Variants in FHOD1 observed in about 807,000 individuals in gnomAD.
The protein encoded by FHOD1 is FH1/FH2 domain-containing protein 1.
A neutral mutation model predicts 111.6 loss-of-function variants in FHOD1; 89 were observed. That is an observed-to-expected ratio of 0.80 (90% CI 0.67 to 0.95). FHOD1 has a LOEUF of 0.95. FHOD1 is among the 40% of genes least tolerant of loss of function. The pLI, the probability that FHOD1 is intolerant of heterozygous loss-of-function variation, is 0.00. For missense variants in FHOD1, 1,446 were observed against 1,554.2 expected (o/e 0.93, Z 1.17); for synonymous variants, 618 against 639.0 (o/e 0.97, Z 0.50).
rs2034535352 is a variant in FHOD1, at chr16:67,237,526, C to T, written c.798G>A (p.Lys266=). The change falls in exon 8 of 22, where the codon AAG becomes AAA. Residue 266 remains lysine, a synonymous_variant. Transcript: ENST00000258201. This position sits in a 1 kb window ranked among gnomAD's most constrained non-coding sequence, Gnocchi z 5.6. The part of the protein sequence containing the change: ...WANLVSILEE[K]NGADPELLVY... Reference sequence around the variant, plus strand: ...CCAACAACTCAGGGTCAGCGCCATTCTTCTCCTCCAGGATGGACACCAGAT... The same window carrying T: ...CCAACAACTCAGGGTCAGCGCCATTTTTCTCCTCCAGGATGGACACCAGAT... 6 of 1,614,178 alleles carry T rather than the reference C, an allele frequency of 3.7e-6. No homozygotes were observed. The highest frequency in any genetic ancestry group is 5.1e-6 in the Non-Finnish European group (6 of 1,180,028).
intron 18 of FHOD1, 23 bp downstream of exon 18, chr16:67,230,578 C>T (rs750570717): frequency 6.8e-6 from 11 of 1,613,560 alleles, no homozygotes; most frequent in African/African-American, 2.7e-5. Context: ...GCCGTCCTGC[C>T]TCTCTTGGGT....
intron 11 of FHOD1, among the ~76,000 whole-genome samples, chr16:67,236,248 A>G (rs1478450083): frequency 6.6e-6 from 1 of 152,194 alleles, no homozygotes; most frequent in African/African-American, 2.4e-5. Flanking sequence ...GGAGCAGGAC[A>G]GGGTGCTGGA....
Position 67,231,837 on chromosome 16 carries a change from G to A in FHOD1, c.2203-18C>T, listed in dbSNP as rs777779985. 6.2e-7 allele frequency: 1 copy of A among 1,609,636 alleles called. No homozygotes were observed. Among genetic ancestry groups the A allele is most frequent in the Non-Finnish European group, 8.5e-7 (1 of 1,177,564 alleles). The stretch of plus-strand genomic sequence containing the variant: ...AGTAGCTTCTGAGGATGTAGCCAGA[G>A]CCTGACATGGCCCCCTCAATGCAGG... On this transcript the variant is annotated intron_variant, in intron 14 of 21. Transcript: ENST00000258201. The surrounding 1 kb of genome is among the most constrained non-coding windows in gnomAD (Gnocchi z 4.3).
In FHOD1 at chr16:67,229,597, C is replaced by T. The variant is rs2034164999; in HGVS notation, c.*39G>A. 1.3e-6 allele frequency: 2 copies of T among 1,569,422 alleles called. No individual in the cohort carries two copies. The highest frequency in any genetic ancestry group is 1.3e-5 in the African/African-American group (1 of 74,076). On this transcript the variant is annotated 3_prime_UTR_variant, in exon 22 of 22. Coordinates refer to ENST00000258201, the MANE Select transcript of FHOD1 (RefSeq NM_013241.3). ...CCTCACTCTGTCATCTCCTGCACTG[C>T]AGTCCAGGGTCCAGATAGATTTCCG...
intron 1 of FHOD1, 75 bp from the exon 2 acceptor site, chr16:67,239,529 C>T: frequency 9.5e-7 from 1 of 1,048,530 alleles, no homozygotes. Flanking sequence ...TGACCTCTTA[C>T]CTACCACTTG....
intron 18 of FHOD1, 22 bp from the exon 19 acceptor site, chr16:67,230,528 G>A (rs758203925): frequency 1.2e-6 from 2 of 1,613,918 alleles, no homozygotes; most frequent in East Asian, 4.5e-5. Flanking sequence ...AGAGTAGGGA[G>A]GGACAGTAAG....
chr16:67,237,065 C>T lies in FHOD1; in HGVS notation c.1043G>A (p.Gly348Asp). 1 of 1,613,316 alleles carries T rather than the reference C, an allele frequency of 6.2e-7. No homozygotes were observed. Among genetic ancestry groups the T allele is most frequent in the East Asian group, 2.2e-5 (1 of 44,876 alleles). ...AGGCTTTCGTCGTTCCCGCCGCCCA[C>T]CAGCGCCTGGGGCTTCTTCGATGTC... The part of the protein sequence containing the change: ...DGDIEEAPGA[G>D]GRRERRKPSS... The change falls in exon 10 of 22, where the codon GGT becomes GAT. Residue 348 changes from glycine (G) to aspartate (D), a missense_variant. By Grantham distance (94) the Gly-to-Asp change is moderately conservative (BLOSUM62 -1). This residue lies in a region of FHOD1 where 1,085 missense variants were observed against 1,108.8 expected (regional missense o/e 0.98). Coordinates refer to ENST00000258201, the MANE Select transcript of FHOD1 (RefSeq NM_013241.3). This position sits in a 1 kb window ranked among gnomAD's most constrained non-coding sequence, Gnocchi z 5.6.
chr16:67,236,606 T>C lies in FHOD1; in HGVS notation c.1270A>G (p.Ile424Val), dbSNP rs765946969. Residue 424 changes from isoleucine (I) to valine (V), a missense_variant, in exon 11 of 22, where the codon ATC becomes GTC. By Grantham distance (29) the Ile-to-Val change is conservative. Around this residue, in one of 3 missense-constraint regions of FHOD1, gnomAD observed 1,085 missense variants for 1,108.8 expected, o/e 0.98. Coordinates refer to ENST00000258201, the MANE Select transcript of FHOD1 (RefSeq NM_013241.3). ...LQASVNLFPT[I>V]SVAPSADTSS... ...GTGTCAGCTGAGGGTGCCACAGAGA[T>C]GGTAGGAAAAAGGTTCACTGAAGCT... The C allele has an allele frequency of 6.2e-7, 1 of 1,612,624 alleles. No homozygotes were observed. The highest frequency in any genetic ancestry group is 1.3e-5 in the African/African-American group (1 of 74,492).
At position 67,237,102 on chromosome 16, in the gene FHOD1, A is replaced by G. The variant is rs2034514474; in HGVS notation, c.1006T>C (p.Leu336=). Residue 336 remains leucine, a synonymous_variant, in exon 10 of 22, where the codon TTG becomes CTG. Coordinates refer to ENST00000258201, the MANE Select transcript of FHOD1 (RefSeq NM_013241.3). The surrounding 1 kb of genome is among the most constrained non-coding windows in gnomAD (Gnocchi z 5.6). ...GCTTCTTCGATGTCTCCATCCTCCA[A>G]TTTCAGGGCGTTCTAGCAGAGGCGG... ...QLVLYENALK[L]EDGDIEEAPG... The G allele has an allele frequency of 6.2e-7, 1 of 1,610,244 alleles. No homozygotes were observed. The highest frequency in any genetic ancestry group is 8.5e-7 in the Non-Finnish European group (1 of 1,178,658).
rs1567381558 is a variant in FHOD1 at position 67,230,149 on chromosome 16, CG to C, written c.3130del (p.Arg1044GlyfsTer10). 2 of 1,614,194 alleles carry C rather than the reference CG, an allele frequency of 1.2e-6. No individual in the cohort carries two copies. Among genetic ancestry groups the C allele is most frequent in the Non-Finnish European group, 1.7e-6 (2 of 1,180,028 alleles). ...ACTAGCATGACTGTCAGCATCTCCC[CG>C]GCCTGGCCCGCTGCTCACTGCTACT... ...VPVAVSSGPG[R>X]GDADSHASMK... On this transcript the variant is annotated frameshift_variant, in exon 20 of 22. Coordinates refer to ENST00000258201, the MANE Select transcript of FHOD1 (RefSeq NM_013241.3). LOFTEE classifies it high-confidence loss of function.
At chr16:67,234,814 G>T (rs2034422834) in intron 11 of FHOD1, 1 of 267,598 alleles carries the variant, frequency 3.7e-6, no homozygotes, top group Admixed American at 4.7e-5. Flanking sequence ...CAGTCACCCA[G>T]GCTGGAGTAC....
rs1354745165 is a variant in FHOD1, at chr16:67,237,085, G to T, written c.1023C>A (p.Ile341=). The T allele has an allele frequency of 6.2e-7, 1 of 1,612,596 alleles. No individual in the cohort carries two copies. The highest frequency in any genetic ancestry group is 2.2e-5 in the East Asian group (1 of 44,878). The change falls in exon 10 of 22, where the codon ATC becomes ATA. Residue 341 remains isoleucine, a synonymous_variant. Coordinates refer to ENST00000258201, the MANE Select transcript of FHOD1 (RefSeq NM_013241.3). This position sits in a 1 kb window ranked among gnomAD's most constrained non-coding sequence, Gnocchi z 5.6. ...ENALKLEDGD[I]EEAPGAGGRR... ...GCCCACCAGCGCCTGGGGCTTCTTCGATGTCTCCATCCTCCAATTTCAGGG... is the reference window on the plus strand; with the variant it reads ...GCCCACCAGCGCCTGGGGCTTCTTCTATGTCTCCATCCTCCAATTTCAGGG...
At chr16:67,244,293 G>A (rs1281970025) in intron 1 of FHOD1, among the ~76,000 whole-genome samples, 1 of 152,128 alleles carries the variant, frequency 6.6e-6, no homozygotes, top group Non-Finnish European at 1.5e-5. Context: ...TTCCCAGAAG[G>A]GAGGGTAGAA....
chr16:67,230,035 G>A, intron 20 of FHOD1, 31 bp downstream of exon 20: 2 of 1,613,070 alleles, frequency 1.2e-6, no homozygotes, highest in Non-Finnish European at 1.7e-6. Context: ...TGGCACTGGA[G>A]CCCATTCCCC....
Position 67,233,836 on chromosome 16 carries a change from TAGTG to T in FHOD1, c.1863_1866del (p.Thr622ArgfsTer5), listed in dbSNP as rs1415748892. The stretch of plus-strand genomic sequence containing the variant: ...CAGAAAAGTTTTACTGTCTTCCTCT[TAGTG>T]GGGAGGGCTGAGCTGTCAGGCACTG... On this transcript the variant is annotated frameshift_variant, in exon 13 of 22. Transcript: ENST00000258201. LOFTEE classifies it high-confidence loss of function. 1 of 1,611,668 alleles carries T rather than the reference TAGTG, an allele frequency of 6.2e-7. No homozygotes were observed. Among genetic ancestry groups the T allele is most frequent in the Admixed American group, 1.7e-5 (1 of 59,748 alleles).
intron 11 of FHOD1, chr16:67,235,987 A>T: frequency 1.0e-6 from 1 of 973,568 alleles, no homozygotes; most frequent in Non-Finnish European, 1.2e-6. Context: ...AGCACATGGC[A>T]GGCCTGGCAG....
Position 67,231,601 on chromosome 16 carries a change from G to C in FHOD1, c.2385+36C>G. On this transcript the variant is annotated intron_variant, in intron 15 of 21. Coordinates refer to ENST00000258201, the MANE Select transcript of FHOD1 (RefSeq NM_013241.3). The surrounding 1 kb of genome is among the most constrained non-coding windows in gnomAD (Gnocchi z 4.3). ...GACTACATGGTCATGATGCTTACCT[G>C]TCCCTACTGACTGTCCCACTCCAAG... 1.2e-6 allele frequency: 2 copies of C among 1,614,102 alleles called. No homozygotes were observed. The highest frequency in any genetic ancestry group is 1.7e-6 in the Non-Finnish European group (2 of 1,179,992).
intron 13 of FHOD1, 109 bp downstream of exon 13, chr16:67,233,548 C>T: frequency 4.2e-6 from 6 of 1,419,868 alleles, no homozygotes; most frequent in Non-Finnish European, 5.6e-6. Context: ...CTTTCTTTGC[C>T]TTGGTTTCCC....
intron 13 of FHOD1, among the ~76,000 whole-genome samples, chr16:67,232,518 C>CAA (rs988902359): frequency 0.01 from 479 of 46,500 alleles, no homozygotes; most frequent in African/African-American, 0.024. Context: ...GACTCTGTCT[C>CAA]AAAAAAAAAA....
Sources: gnomAD v4.1 joint callset for allele counts (sites outside exome capture counted in the v4.1 genomes callset) on GRCh38, gnomAD v4.1.1 for gene constraint, gnomAD v4.1.1 regional missense constraint, Gnocchi (gnomAD v3.1) non-coding constraint, MANE v1.5 for transcripts, NCBI Gene and HGNC (gene_info 2026-07-23, HGNC 2026-07-21) for gene names.